The following DDX10 variants were observed in gnomAD, a reference collection of about 807,000 sequenced individuals.
DDX10 encodes the protein probable ATP-dependent RNA helicase DDX10.
DDX10 carries 74 observed loss-of-function variants against 104.3 expected under a neutral mutation model. The ratio of observed to expected loss-of-function variants is 0.71; its 90% CI spans 0.59 to 0.86. The LOEUF is 0.86. DDX10 is among the 40% of genes least tolerant of loss of function. The pLI, the probability that DDX10 is intolerant of heterozygous loss-of-function variation, is 0.00. For missense variants in DDX10, 952 were observed against 1,040.0 expected (o/e 0.92, Z 1.16); for synonymous variants, 351 against 353.4 (o/e 0.99, Z 0.08).
chr11:108,710,961 C>G (rs1253490743), intron 10 of DDX10, among the ~76,000 whole-genome samples: 1 of 152,176 alleles, frequency 6.6e-6, no homozygotes, highest in African/African-American at 2.4e-5. Context: ...GACAAGGTCT[C>G]ACTATGTTGC....
intron 12 of DDX10, among the ~76,000 whole-genome samples, chr11:108,721,896 C>T (rs1224665337): frequency 2.6e-5 from 4 of 152,176 alleles, no homozygotes; most frequent in Non-Finnish European, 5.9e-5. Flanking sequence ...AAGTGCAATA[C>T]ATTGAGTGAA....
At position 108,723,088 on chromosome 11, in the gene DDX10, A is replaced by G. The variant is rs2094300536; in HGVS notation, c.1591A>G (p.Lys531Glu). The change falls in exon 13 of 18, where the codon AAA becomes GAA. Residue 531 changes from lysine (K) to glutamate (E), a missense_variant. Physicochemically the swap from Lys to Glu is moderately conservative, Grantham distance 56. Around this residue, in one of 3 missense-constraint regions of DDX10, gnomAD observed 533 missense variants for 534.1 expected, o/e 1.00. Transcript: ENST00000322536. ...AGAATTGGTAAGGAGCCAAGCCGATAAAGTAATTGAGCCAAGGGCTCCCTC... is the reference window on the plus strand; with the variant it reads ...AGAATTGGTAAGGAGCCAAGCCGATGAAGTAATTGAGCCAAGGGCTCCCTC... ...TKELVRSQAD[K>E]VIEPRAPSLT... is the part of the protein sequence containing the mutation. 2.5e-6 allele frequency: 4 copies of G among 1,613,806 alleles called. No individual in the cohort carries two copies. Among genetic ancestry groups the G allele is most frequent in the Non-Finnish European group, 3.4e-6 (4 of 1,179,896 alleles).
chr11:108,846,534 T>C (rs577910936), intron 15 of DDX10, among the ~76,000 whole-genome samples: 1 of 152,346 alleles, frequency 6.6e-6, no homozygotes, highest in South Asian at 2.1e-4. Flanking sequence ...AGTGAGATTG[T>C]GTATTATTTA....
intron 10 of DDX10, among the ~76,000 whole-genome samples, chr11:108,710,474 A>G (rs2094282867): frequency 1.3e-5 from 2 of 151,750 alleles, no homozygotes; most frequent in Admixed American, 1.3e-4. Context: ...AATGGAGCCT[A>G]GGCCTACACA....
At chr11:108,772,507 A>G (rs1190992459) in intron 13 of DDX10, among the ~76,000 whole-genome samples, 1 of 152,140 alleles carries the variant, frequency 6.6e-6, no homozygotes, top group Non-Finnish European at 1.5e-5. Context: ...AGAGGGAAAG[A>G]ATTGGTTCTC....
At chr11:108,876,287 T>C (rs1051375248) in intron 16 of DDX10, among the ~76,000 whole-genome samples, 2 of 152,170 alleles carry the variant, frequency 1.3e-5, no homozygotes, top group African/African-American at 4.8e-5. Flanking sequence ...ATGTTATATA[T>C]GACATTTGTT....
At chr11:108,919,205 A>G (rs1863791193) in intron 17 of DDX10, 1 of 152,224 alleles carries the variant, frequency 6.6e-6, no homozygotes, top group South Asian at 2.1e-4. Flanking sequence ...CTGTTGGACA[A>G]CTAGGTGGTT....
intron 17 of DDX10, among the ~76,000 whole-genome samples, chr11:108,926,851 A>G (rs945806117): frequency 2.6e-5 from 4 of 152,344 alleles, no homozygotes; most frequent in Middle Eastern, 3.4e-3. Flanking sequence ...AATGTTTCAG[A>G]TGATCACAAG....
At chr11:108,787,117 A>T (rs1272520231) in intron 13 of DDX10, among the ~76,000 whole-genome samples, 1 of 152,122 alleles carries the variant, frequency 6.6e-6, no homozygotes, top group Admixed American at 6.5e-5. Context: ...GATTGGTGGG[A>T]TATGAGGTTC....
At chr11:108,802,588 G>C (rs1862036966) in intron 13 of DDX10, among the ~76,000 whole-genome samples, 1 of 152,058 alleles carries the variant, frequency 6.6e-6, no homozygotes, top group Non-Finnish European at 1.5e-5. Flanking sequence ...ACAATAAGTT[G>C]CTGTTCTTTT....
At chr11:108,686,230 T>C (rs968610900) in intron 6 of DDX10, among the ~76,000 whole-genome samples, 2 of 152,206 alleles carry the variant, frequency 1.3e-5, no homozygotes, top group African/African-American at 4.8e-5. Context: ...CTACAATGGA[T>C]GGACCTATGT....
intron 16 of DDX10, among the ~76,000 whole-genome samples, chr11:108,881,753 T>A (rs1863230041): frequency 1.3e-5 from 2 of 152,174 alleles, no homozygotes; most frequent in Admixed American, 1.3e-4. Flanking sequence ...AGGTTAGATG[T>A]GTTAAATGCA....
intron 13 of DDX10, among the ~76,000 whole-genome samples, chr11:108,745,650 C>G (rs1218423386): frequency 3.9e-5 from 6 of 152,164 alleles, no homozygotes; most frequent in Non-Finnish European, 7.3e-5. Context: ...AAAGTTAATA[C>G]AGATCCATCT....
chr11:108,744,014 A>G (rs989629734), intron 13 of DDX10, among the ~76,000 whole-genome samples: 1 of 152,190 alleles, frequency 6.6e-6, no homozygotes, highest in South Asian at 2.1e-4. Flanking sequence ...TGGCAGGCCT[A>G]TGTGTTCACA....
At chr11:108,770,738 T>G (rs1318508274) in intron 13 of DDX10, among the ~76,000 whole-genome samples, 1 of 152,054 alleles carries the variant, frequency 6.6e-6, no homozygotes, top group Non-Finnish European at 1.5e-5. Context: ...ATTGTGCATA[T>G]GTACCTCATT....
At chr11:108,842,805 A>G (rs979979512) in intron 15 of DDX10, among the ~76,000 whole-genome samples, 2 of 152,188 alleles carry the variant, frequency 1.3e-5, no homozygotes, top group Non-Finnish European at 2.9e-5. Context: ...TCAGCTTGCA[A>G]TCTACTTAGA....
At chr11:108,929,014 G>T (rs546661539) in intron 17 of DDX10, among the ~76,000 whole-genome samples, 2 of 152,310 alleles carry the variant, frequency 1.3e-5, no homozygotes, top group East Asian at 3.9e-4. Context: ...ATGTAACATA[G>T]CCTATTCAAA....
At chr11:108,903,893 A>C (rs1175483285) in intron 16 of DDX10, among the ~76,000 whole-genome samples, 1 of 152,140 alleles carries the variant, frequency 6.6e-6, no homozygotes, top group Non-Finnish European at 1.5e-5. Flanking sequence ...GTTTATGTGC[A>C]GGTTTTTCTG....
rs956509016 is a variant in DDX10, at chr11:108,888,201, A to C, written c.2305-29672A>C. ...CATTTATATTATTTTTCTGGAGGCC[A>C]TAAACCATAAAAAAAACCTCTCTGT... On this transcript the variant is annotated intron_variant, in intron 16 of 17. Coordinates refer to ENST00000322536, the MANE Select transcript of DDX10 (RefSeq NM_004398.4). 5.3e-5 allele frequency among the ~76,000 whole-genome samples: 8 copies of C among 152,232 alleles called. 1 individual carries two copies. The highest frequency in any genetic ancestry group is 4.1e-4 in the South Asian group (2 of 4,832).
Sources: gnomAD v4.1 joint callset for allele counts (sites outside exome capture counted in the v4.1 genomes callset) on GRCh38, gnomAD v4.1.1 for gene constraint, gnomAD v4.1.1 regional missense constraint, MANE v1.5 for transcripts, NCBI Gene and HGNC (gene_info 2026-07-23, HGNC 2026-07-21) for gene names.